The following RBFOX1 variants were observed in gnomAD, a reference collection of about 807,000 sequenced individuals.
RBFOX1 encodes the protein RNA binding protein fox-1 homolog 1.
A neutral mutation model predicts 57.7 loss-of-function variants in RBFOX1; 8 were observed. That is an observed-to-expected ratio of 0.14 (90% CI 0.08 to 0.25). The LOEUF is 0.25. Ranked by LOEUF, RBFOX1 falls within the 10% of genes least tolerant of loss-of-function variation. The pLI is 1.00. For synonymous variants in RBFOX1, 326 were observed against 222.4 expected, an observed-to-expected ratio of 1.47 and a Z score of -4.15; for missense variants, 611 against 548.5, an observed-to-expected ratio of 1.11 and a Z score of -1.14.
intron 2 of RBFOX1, among the ~76,000 whole-genome samples, chr16:6,494,569 GCTTAACCATTCACCT>G (rs2095713423): frequency 6.6e-6 from 1 of 152,188 alleles, no homozygotes; most frequent in Non-Finnish European, 1.5e-5. Context: ...ATGTACCACA[GCTTAACCATTCACCT>G]GTTGAAGGAT....
intron 3 of RBFOX1, among the ~76,000 whole-genome samples, chr16:6,852,629 T>G (rs1189762237): frequency 2.0e-5 from 3 of 152,004 alleles, no homozygotes; most frequent in Non-Finnish European, 4.4e-5. Flanking sequence ...GAACTAGCTG[T>G]CTGGGAGAGG....
intron 2 of RBFOX1, among the ~76,000 whole-genome samples, chr16:6,515,120 AG>A (rs1243445397): frequency 1.3e-5 from 2 of 152,214 alleles, no homozygotes; most frequent in African/African-American, 2.4e-5. Context: ...TGTATATTAC[AG>A]GTTTACTTAT....
chr16:7,213,503 T>G (rs960403759), intron 4 of RBFOX1, among the ~76,000 whole-genome samples: 1 of 152,054 alleles, frequency 6.6e-6, no homozygotes, highest in African/African-American at 2.4e-5. Context: ...AATGAGTATT[T>G]AGTAAAGATG....
intron 4 of RBFOX1, among the ~76,000 whole-genome samples, chr16:7,371,890 T>C (rs1036037874): frequency 5.3e-5 from 8 of 152,340 alleles, no homozygotes; most frequent in African/African-American, 1.7e-4. Context: ...CACTTGATGA[T>C]ATGCCATGGA....
At chr16:7,144,911 A>ATG (rs141323687) in intron 4 of RBFOX1, among the ~76,000 whole-genome samples, 1,944 of 152,172 alleles carry the variant, frequency 0.013, 22 homozygotes, top group Non-Finnish European at 0.022. Flanking sequence ...AGTGTCTCTG[A>ATG]TGTGAGGCAC....
At chr16:7,203,783 C>G (rs1023839747) in intron 4 of RBFOX1, among the ~76,000 whole-genome samples, 1 of 152,156 alleles carries the variant, frequency 6.6e-6, no homozygotes, top group Non-Finnish European at 1.5e-5. Flanking sequence ...CATAACCCAC[C>G]AAGCAAAGGC....
intron 1 of RBFOX1, among the ~76,000 whole-genome samples, chr16:5,424,445 A>G (rs1341506886): frequency 6.6e-6 from 1 of 152,048 alleles, no homozygotes; most frequent in Non-Finnish European, 1.5e-5. Flanking sequence ...TAAAATGGAC[A>G]TGCTAACATT....
At chr16:6,616,794 CATT>C (rs1392119502) in intron 2 of RBFOX1, among the ~76,000 whole-genome samples, 1 of 152,184 alleles carries the variant, frequency 6.6e-6, no homozygotes, top group Non-Finnish European at 1.5e-5. Context: ...GAGCTACAGC[CATT>C]ATTCTGATTA....
intron 14 of RBFOX1, among the ~76,000 whole-genome samples, chr16:7,683,841 T>TA (rs5815422): frequency 0.44 from 66,316 of 150,906 alleles, 15,196 homozygotes; most frequent in Admixed American, 0.51. Context: ...TTTCTATTGC[T>TA]AAAAAAAAAC....
At chr16:6,816,815 T>C (rs1441900550) in intron 3 of RBFOX1, among the ~76,000 whole-genome samples, 1 of 151,696 alleles carries the variant, frequency 6.6e-6, no homozygotes, top group Non-Finnish European at 1.5e-5. Context: ...TGCAATCATA[T>C]CTCACTGCAG....
At chr16:5,965,708 A>G (rs1168067690) in intron 4 of RBFOX1, among the ~76,000 whole-genome samples, 1 of 152,192 alleles carries the variant, frequency 6.6e-6, no homozygotes, top group Non-Finnish European at 1.5e-5. Context: ...TCTCTGACTT[A>G]AGCAGACTCT....
intron 2 of RBFOX1, among the ~76,000 whole-genome samples, chr16:6,629,853 C>T (rs1280644273): frequency 3.3e-5 from 5 of 151,294 alleles, no homozygotes; most frequent in Admixed American, 3.3e-4. Flanking sequence ...ATTTTTTATT[C>T]TTCTCATTTT....
intron 1 of RBFOX1, among the ~76,000 whole-genome samples, chr16:6,132,975 A>T: frequency 9.5e-6 from 1 of 104,790 alleles, no homozygotes; most frequent in Non-Finnish European, 1.7e-5. Context: ...AAAAAAAAAA[A>T]AAAGAAAAGA....
intron 4 of RBFOX1, among the ~76,000 whole-genome samples, chr16:7,349,841 A>G (rs2097094711): frequency 6.6e-6 from 1 of 152,196 alleles, no homozygotes; most frequent in South Asian, 2.1e-4. Flanking sequence ...GTTAGCTGCT[A>G]GGAAGGAAAT....
intron 4 of RBFOX1, among the ~76,000 whole-genome samples, chr16:5,933,204 C>T (rs905424053): frequency 6.6e-6 from 1 of 152,184 alleles, no homozygotes; most frequent in African/African-American, 2.4e-5. Flanking sequence ...GTGTCTTCTC[C>T]GCATGGCGCC....
intron 4 of RBFOX1, among the ~76,000 whole-genome samples, chr16:7,303,757 C>T (rs1161329925): frequency 6.8e-6 from 1 of 146,482 alleles, no homozygotes; most frequent in Non-Finnish European, 1.5e-5. Flanking sequence ...TACCCTCCCT[C>T]TCGCTCTCTC....
intron 2 of RBFOX1, among the ~76,000 whole-genome samples, chr16:6,344,627 G>A (rs951545808): frequency 6.7e-6 from 1 of 148,768 alleles, no homozygotes; most frequent in Non-Finnish European, 1.5e-5. Context: ...TCCATCTCCT[G>A]ACCTCGTGAT....
chr16:7,293,212 C>T (rs963264825), intron 4 of RBFOX1, among the ~76,000 whole-genome samples: 2 of 152,104 alleles, frequency 1.3e-5, no homozygotes, highest in Non-Finnish European at 2.9e-5. Flanking sequence ...ACACTTTTTT[C>T]CTTGTCATTA....
intron 4 of RBFOX1, among the ~76,000 whole-genome samples, chr16:7,367,118 G>C (rs2097467211): frequency 6.6e-6 from 1 of 151,524 alleles, no homozygotes. Context: ...TACTGCCGGT[G>C]AGCCCATTTA....
Sources: gnomAD v4.1 joint callset for allele counts (sites outside exome capture counted in the v4.1 genomes callset) on GRCh38, gnomAD v4.1.1 for gene constraint, MANE v1.5 for transcripts, NCBI Gene and HGNC (gene_info 2026-07-23, HGNC 2026-07-21) for gene names.